Variants in RGS6 observed in about 807,000 individuals in gnomAD.
The protein encoded by RGS6 is regulator of G-protein signaling 6.
Under a neutral mutation model 78.5 loss-of-function variants are expected in RGS6, and 30 were observed. The observed-to-expected ratio is 0.38, with a 90% CI of 0.29 to 0.52. RGS6 has a LOEUF of 0.52. Among genes scored for constraint, RGS6 ranks in the 20% least tolerant of loss-of-function variants. RGS6 has a pLI of 0.85. For missense variants in RGS6, 495 were observed against 609.7 expected (o/e 0.81, Z 1.98); for synonymous variants, 206 against 206.0 (o/e 1.00, Z 0.00).
intron 13 of RGS6, among the ~76,000 whole-genome samples, chr14:72,496,084 C>G (rs2096641001): frequency 1.3e-5 from 2 of 152,184 alleles, no homozygotes; most frequent in Admixed American, 6.5e-5. Context: ...TGGAAAAAAT[C>G]TTATAAAAAT....
chr14:71,890,354 A>AAGACAGACAGAC, the RGS6 span, among the ~76,000 whole-genome samples: 41 of 82,682 alleles, frequency 5.0e-4, 1 homozygote, highest in African/African-American at 1.1e-3. Flanking sequence ...GCGTGTGCAT[A>AAGACAGACAGAC]AGACAGAGAG....
chr14:72,286,337 C>T (rs2062544869), intron 2 of RGS6, among the ~76,000 whole-genome samples: 1 of 152,160 alleles, frequency 6.6e-6, no homozygotes, highest in Admixed American at 6.5e-5. Context: ...GAATTTATTG[C>T]TCCACTGTCT....
chr14:72,572,873 GGGAA>G, the RGS6 span, among the ~76,000 whole-genome samples: 2 of 151,930 alleles, frequency 1.3e-5, no homozygotes, highest in African/African-American at 4.8e-5. Flanking sequence ...GAAGGTAAGA[GGGAA>G]GGAGGGAGGG....
chr14:72,485,901 C>A (rs1282874566), intron 12 of RGS6, among the ~76,000 whole-genome samples: 1 of 152,164 alleles, frequency 6.6e-6, no homozygotes, highest in Non-Finnish European at 1.5e-5. Context: ...CACCACCAGC[C>A]CTTGAACTTT....
At chr14:72,280,664 G>A (rs1250047922) in intron 2 of RGS6, among the ~76,000 whole-genome samples, 1 of 152,220 alleles carries the variant, frequency 6.6e-6, no homozygotes, top group African/African-American at 2.4e-5. Context: ...AGTCAGAAGA[G>A]ACATTTTATT....
intron 2 of RGS6, among the ~76,000 whole-genome samples, chr14:72,013,271 CAAAAA>C (rs59579709): frequency 1.3e-5 from 1 of 77,048 alleles, no homozygotes; most frequent in Non-Finnish European, 2.3e-5. Context: ...ACTCCGTCTC[CAAAAA>C]AAAAAAAAAA....
chr14:71,982,568 A>G (rs957036736), intron 2 of RGS6, among the ~76,000 whole-genome samples: 1 of 152,118 alleles, frequency 6.6e-6, no homozygotes, highest in African/African-American at 2.4e-5. Flanking sequence ...TCTGGTTCCA[A>G]CCAAAACCCT....
At chr14:71,943,323 T>C (rs985006226) in intron 1 of RGS6, among the ~76,000 whole-genome samples, 10 of 152,180 alleles carry the variant, frequency 6.6e-5, no homozygotes, top group Non-Finnish European at 1.0e-4. Flanking sequence ...TAGAGGACCC[T>C]GTATGAAGTA....
intron 2 of RGS6, among the ~76,000 whole-genome samples, chr14:72,085,623 G>T (rs901396115): frequency 6.6e-6 from 1 of 152,150 alleles, no homozygotes; most frequent in Admixed American, 6.5e-5. Flanking sequence ...GGAGGCCAAG[G>T]CGGTTGGATC....
At chr14:72,609,011 G>A in the RGS6 span, among the ~76,000 whole-genome samples, 5 of 152,172 alleles carry the variant, frequency 3.3e-5, no homozygotes, top group African/African-American at 7.2e-5. Context: ...CTAACTATCC[G>A]TAGGGAAAAT....
intron 2 of RGS6, among the ~76,000 whole-genome samples, chr14:71,986,035 A>G (rs1479364761): frequency 6.6e-6 from 1 of 152,200 alleles, no homozygotes; most frequent in Non-Finnish European, 1.5e-5. Context: ...TAAAACTTTA[A>G]AACAGCTCTT....
At chr14:72,538,838 C>T (rs1214011496) in intron 16 of RGS6, among the ~76,000 whole-genome samples, 1 of 152,252 alleles carries the variant, frequency 6.6e-6, no homozygotes, top group Non-Finnish European at 1.5e-5. Flanking sequence ...GCTGAGCTGA[C>T]AAGGGGCCTG....
intron 3 of RGS6, 72 bp from the exon 4 acceptor site, chr14:72,454,456 G>A: frequency 1.4e-6 from 2 of 1,457,544 alleles, no homozygotes; most frequent in African/African-American, 2.8e-5. Flanking sequence ...ATTCTCTTAG[G>A]TAAACATGTT....
At chr14:72,333,626 T>C (rs2075465564) in intron 2 of RGS6, among the ~76,000 whole-genome samples, 2 of 152,244 alleles carry the variant, frequency 1.3e-5, no homozygotes, top group Non-Finnish European at 2.9e-5. Context: ...TATTGTCTTT[T>C]CTTCAGCTGG....
At chr14:72,526,396 C>T (rs1248697717) in intron 15 of RGS6, among the ~76,000 whole-genome samples, 2 of 152,184 alleles carry the variant, frequency 1.3e-5, no homozygotes, top group African/African-American at 2.4e-5. Flanking sequence ...TGAGCCACTG[C>T]GCCTGGCCAG....
intron 2 of RGS6, among the ~76,000 whole-genome samples, chr14:72,139,779 A>G (rs554029573): frequency 6.6e-6 from 1 of 152,346 alleles, no homozygotes; most frequent in East Asian, 1.9e-4. Flanking sequence ...ATTAGAACCC[A>G]GAACACTTAA....
chr14:71,951,087 G>A (rs1307181425), intron 1 of RGS6, among the ~76,000 whole-genome samples: 2 of 152,072 alleles, frequency 1.3e-5, no homozygotes, highest in Non-Finnish European at 2.9e-5. Flanking sequence ...AAATCATTCT[G>A]TGATAAAGAT....
At chr14:71,962,920 G>C (rs942576110) in intron 1 of RGS6, among the ~76,000 whole-genome samples, 1 of 152,126 alleles carries the variant, frequency 6.6e-6, no homozygotes. Context: ...GGCCTTTTCT[G>C]TCACGTATGG....
At chr14:72,269,134 G>A (rs1595062251) in intron 2 of RGS6, among the ~76,000 whole-genome samples, 1 of 43,016 alleles carries the variant, frequency 2.3e-5, no homozygotes, top group Non-Finnish European at 6.1e-5. Context: ...TATTACCTCC[G>A]CCCCCCCACC....
Sources: allele counts gnomAD v4.1 joint callset (sites outside exome capture counted in the v4.1 genomes callset), GRCh38; gene constraint gnomAD v4.1.1; transcripts MANE v1.5; gene names NCBI Gene and HGNC (gene_info 2026-07-23, HGNC 2026-07-21).